GLIS3: variants seen among roughly 807,000 people sequenced by gnomAD.
GLIS3 encodes GLIS family zinc finger 3.
In GLIS3, 53 loss-of-function variants were observed where a neutral mutation model predicts 78.6. That is an observed-to-expected ratio of 0.67 (90% CI 0.54 to 0.85). The LOEUF (loss-of-function observed/expected upper bound fraction) is 0.85. Ranked by LOEUF, GLIS3 falls within the 40% of genes least tolerant of loss-of-function variation. The pLI is 0.00. For missense variants in GLIS3, 1,703 were observed against 1,231.1 expected (o/e 1.38, Z -5.74); for synonymous variants, 684 against 509.9 (o/e 1.34, Z -4.60).
chr9:3,855,611 A>G, intron 9 of GLIS3: 1 of 280,414 alleles, frequency 3.6e-6, no homozygotes, highest in Non-Finnish European at 6.9e-6. Context: ...CTGCGCCTTG[A>G]AGGACGGAGA....
At chr9:4,464,433 C>T in the GLIS3 span, among the ~76,000 whole-genome samples, 58 of 151,632 alleles carry the variant, frequency 3.8e-4, 2 homozygotes, top group East Asian at 0.01. Context: ...CTTGCTCTGT[C>T]ACCCAGGCTG....
At chr9:4,230,049 G>T (rs1334164267) in intron 2 of GLIS3, among the ~76,000 whole-genome samples, 2 of 152,176 alleles carry the variant, frequency 1.3e-5, no homozygotes, top group Non-Finnish European at 2.9e-5. Context: ...ATAGTTCCTT[G>T]GCATTCCTGG....
At chr9:4,302,698 TTCAA>T (rs747278116), upstream of GLIS3, among the ~76,000 whole-genome samples, 331 of 152,278 alleles carry the variant, frequency 2.2e-3, 1 homozygote, top group Non-Finnish European at 3.5e-3. Context: ...AAGCCCCAAG[TTCAA>T]TCAACATTAC....
intron 4 of GLIS3, among the ~76,000 whole-genome samples, chr9:4,046,775 C>T (rs1825284391): frequency 6.6e-6 from 1 of 152,128 alleles, no homozygotes; most frequent in Middle Eastern, 3.2e-3. Flanking sequence ...GCTGAATGAA[C>T]TAGGCATGTT....
upstream of GLIS3, among the ~76,000 whole-genome samples, chr9:4,301,971 G>A (rs1389304005): frequency 6.6e-6 from 1 of 151,518 alleles, no homozygotes; most frequent in Admixed American, 6.6e-5. Flanking sequence ...AAGAGGTATA[G>A]TGCTTTGGTT....
the GLIS3 span, among the ~76,000 whole-genome samples, chr9:4,398,654 G>A: frequency 1.3e-5 from 2 of 151,892 alleles, no homozygotes; most frequent in Non-Finnish European, 2.9e-5. Context: ...ATCATTCTCT[G>A]GACTGTGAAG....
the GLIS3 span, among the ~76,000 whole-genome samples, chr9:4,406,065 T>A: frequency 6.6e-6 from 1 of 152,130 alleles, no homozygotes; most frequent in African/African-American, 2.4e-5. Context: ...GGAACATACC[T>A]CAACATAATA....
At chr9:4,310,422 T>C (rs1255440100) in exon 3 of GLIS3, 1 of 152,164 alleles carries the variant, frequency 6.6e-6, no homozygotes, top group Admixed American at 6.6e-5. Context: ...ACGTGCCCCA[T>C]TGTGCCTCTC....
chr9:4,226,643 T>C (rs10814892), intron 2 of GLIS3, among the ~76,000 whole-genome samples: 56,499 of 152,016 alleles, frequency 0.37, 11,140 homozygotes, highest in Non-Finnish European at 0.45. Flanking sequence ...AGTTTGGAGA[T>C]AGCAAGGTCT....
At chr9:4,051,558 A>G (rs944313953) in intron 4 of GLIS3, among the ~76,000 whole-genome samples, 1 of 152,224 alleles carries the variant, frequency 6.6e-6, no homozygotes, top group African/African-American at 2.4e-5. Context: ...AAAGAGGCCT[A>G]ACTAGTATTT....
Position 4,118,025 on chromosome 9 carries a change from C to G in GLIS3, c.1453G>C (p.Ala485Pro). 1 of 1,602,756 alleles carries G rather than the reference C, an allele frequency of 6.2e-7. No homozygotes were observed. The highest frequency in any genetic ancestry group is 1.1e-5 in the South Asian group (1 of 90,316). The change falls in exon 4 of 11, where the codon GCC becomes CCC. Residue 485 changes from alanine to proline, a missense_variant. Physicochemically the swap from Ala to Pro is conservative, Grantham distance 27. Transcript: ENST00000381971. This position sits in a 1 kb window ranked among gnomAD's most constrained non-coding sequence, Gnocchi z 4.7. Reference protein sequence around the residue: ...PHAQQLALPQATLDDDGEMDG... With the variant: ...PHAQQLALPQPTLDDDGEMDG... ...ATCTCCCCGTCGTCGTCCAGGGTGG[C>G]CTGGGGCAAGGCCAGCTGCTGGGCG...
At chr9:4,196,479 G>C (rs186922884) in intron 2 of GLIS3, among the ~76,000 whole-genome samples, 2 of 152,212 alleles carry the variant, frequency 1.3e-5, no homozygotes, top group African/African-American at 4.8e-5. Context: ...GGTCCGCACT[G>C]CCTTTATGAG....
chr9:4,467,719 G>T, the GLIS3 span, among the ~76,000 whole-genome samples: 1 of 152,194 alleles, frequency 6.6e-6, no homozygotes, highest in African/African-American at 2.4e-5. Context: ...AAAAATCAGA[G>T]GGCCTCTTCA....
intron 2 of GLIS3, among the ~76,000 whole-genome samples, chr9:4,334,187 G>A (rs1817722166): frequency 6.6e-6 from 1 of 152,214 alleles, no homozygotes; most frequent in Non-Finnish European, 1.5e-5. Flanking sequence ...TACAGGTAAA[G>A]AAACTGAGTA....
chr9:3,924,824 C>A (rs1205785741), intron 6 of GLIS3, among the ~76,000 whole-genome samples: 1 of 152,220 alleles, frequency 6.6e-6, no homozygotes, highest in East Asian at 1.9e-4. Context: ...CTGAGCTAAA[C>A]ACTTTTATTC....
At chr9:4,221,114 G>T (rs1821295525) in intron 2 of GLIS3, among the ~76,000 whole-genome samples, 1 of 152,146 alleles carries the variant, frequency 6.6e-6, no homozygotes. Context: ...TTTTGAGGTT[G>T]TAAGACAAAA....
chr9:4,181,656 T>C (rs189678175), intron 2 of GLIS3, among the ~76,000 whole-genome samples: 2 of 152,348 alleles, frequency 1.3e-5, no homozygotes, highest in African/African-American at 4.8e-5. Context: ...AGAGGTGGAA[T>C]CTATCTATAT....
intron 7 of GLIS3, among the ~76,000 whole-genome samples, chr9:3,887,196 A>G (rs897244534): frequency 6.6e-6 from 1 of 152,108 alleles, no homozygotes; most frequent in Non-Finnish European, 1.5e-5. Flanking sequence ...TAATGAAACA[A>G]TCCCTTCTCA....
At chr9:3,875,555 G>A (rs993763428) in intron 8 of GLIS3, 2 of 152,164 alleles carry the variant, frequency 1.3e-5, no homozygotes, top group African/African-American at 4.8e-5. Flanking sequence ...GAAAACTGCC[G>A]GAGTTTTTAC....
Sources: gnomAD v4.1 joint callset for allele counts (sites outside exome capture counted in the v4.1 genomes callset) on GRCh38, gnomAD v4.1.1 for gene constraint, Gnocchi (gnomAD v3.1) non-coding constraint, MANE v1.5 for transcripts, NCBI Gene and HGNC (gene_info 2026-07-23, HGNC 2026-07-21) for gene names.